NR3C2: variants seen among roughly 807,000 people sequenced by gnomAD.
The protein encoded by NR3C2 is mineralocorticoid receptor.
NR3C2 carries 15 observed loss-of-function variants against 86.4 expected under a neutral mutation model. That is an observed-to-expected ratio of 0.17 (90% CI 0.12 to 0.27). The LOEUF is 0.27. NR3C2 is among the 10% of genes least tolerant of loss of function. The probability of loss-of-function intolerance (pLI) is 1.00; values close to 1 mark genes in which losing one functional copy is unlikely to be tolerated. For synonymous variants in NR3C2, 458 were observed against 450.5 expected (o/e 1.02, Z -0.21); for missense variants, 960 against 1,195.6 (o/e 0.80, Z 2.91).
intron 3 of NR3C2, among the ~76,000 whole-genome samples, chr4:148,235,105 C>T (rs1738680487): frequency 6.6e-6 from 1 of 151,884 alleles, no homozygotes; most frequent in South Asian, 2.1e-4. Flanking sequence ...CTATTTAGGA[C>T]ATTAAAATGT....
intron 3 of NR3C2, among the ~76,000 whole-genome samples, chr4:148,229,339 C>T (rs894158218): frequency 4.6e-5 from 7 of 152,170 alleles, no homozygotes; most frequent in Admixed American, 6.5e-5. Context: ...TCTTTCTTCG[C>T]TGAGAACTTT....
At chr4:148,364,333 G>A (rs778515259) in intron 2 of NR3C2, among the ~76,000 whole-genome samples, 11 of 152,200 alleles carry the variant, frequency 7.2e-5, no homozygotes, top group Non-Finnish European at 1.3e-4. Flanking sequence ...AGGGAGCACT[G>A]AAGTCGTCAG....
At chr4:148,129,681 C>T (rs191340155) in intron 6 of NR3C2, among the ~76,000 whole-genome samples, 13 of 152,252 alleles carry the variant, frequency 8.5e-5, no homozygotes, top group East Asian at 3.9e-4. Flanking sequence ...CTGCAACCTT[C>T]GCCTCCCTGG....
At chr4:148,118,897 A>G (rs1423352971) in intron 7 of NR3C2, among the ~76,000 whole-genome samples, 1 of 152,162 alleles carries the variant, frequency 6.6e-6, no homozygotes, top group Non-Finnish European at 1.5e-5. Flanking sequence ...CAGTCATGGT[A>G]ATACCCCCCA....
chr4:148,433,661 A>G (rs1749903195), intron 2 of NR3C2, among the ~76,000 whole-genome samples: 1 of 152,188 alleles, frequency 6.6e-6, no homozygotes, highest in South Asian at 2.1e-4. Flanking sequence ...ACAATTAAGT[A>G]GCAGAGTTGG....
rs144753289 is a variant in NR3C2, at chr4:148,178,076, G to A, written c.2014+16670C>T. ...TTCAGGGCTGGGCGCAGTGGCTCAC[G>A]CCTGTAATCCTAGCACTTTGAGAGG... is the stretch of plus-strand genomic sequence containing the variant. On this transcript the variant is annotated intron_variant, in intron 4 of 8. Transcript: ENST00000358102. Among the ~76,000 whole-genome samples, 1,275 of 152,326 alleles carry A rather than the reference G, an allele frequency of 8.4e-3. 16 individuals carry two copies. Among genetic ancestry groups the A allele is most frequent in the African/African-American group, 0.028 (1,181 of 41,570 alleles).
chr4:148,214,065 G>A (rs187532760), intron 3 of NR3C2, among the ~76,000 whole-genome samples: 23 of 152,296 alleles, frequency 1.5e-4, no homozygotes, highest in Non-Finnish European at 1.3e-4. Flanking sequence ...CAGAAGACCT[G>A]GGGTTGAAAT....
intron 2 of NR3C2, among the ~76,000 whole-genome samples, chr4:148,359,014 G>A (rs745948676): frequency 4.6e-4 from 70 of 151,914 alleles, no homozygotes; most frequent in Non-Finnish European, 9.0e-4. Flanking sequence ...TTCAAGCATC[G>A]TTCATTCAGA....
intron 2 of NR3C2, among the ~76,000 whole-genome samples, chr4:148,415,648 T>C (rs780874062): frequency 2.6e-5 from 4 of 152,090 alleles, no homozygotes; most frequent in Non-Finnish European, 2.9e-5. Context: ...GCAAGACAAA[T>C]GTATCCATGA....
intron 4 of NR3C2, among the ~76,000 whole-genome samples, chr4:148,186,457 A>G (rs1159068096): frequency 6.6e-6 from 1 of 152,050 alleles, no homozygotes; most frequent in African/African-American, 2.4e-5. Flanking sequence ...CATTTTCTCA[A>G]CTTTTTGCTT....
intron 2 of NR3C2, among the ~76,000 whole-genome samples, chr4:148,338,659 T>C (rs1186406528): frequency 1.3e-5 from 2 of 151,994 alleles, no homozygotes; most frequent in African/African-American, 4.8e-5. Flanking sequence ...AAAGGAGCAA[T>C]AGGGAATGGG....
At chr4:148,186,939 T>G (rs1735923552) in intron 4 of NR3C2, among the ~76,000 whole-genome samples, 1 of 145,826 alleles carries the variant, frequency 6.9e-6, no homozygotes, top group Non-Finnish European at 1.5e-5. Flanking sequence ...CAAATGCTGT[T>G]AATTCATTCC....
intron 3 of NR3C2, among the ~76,000 whole-genome samples, chr4:148,252,728 G>T (rs955365053): frequency 6.6e-6 from 1 of 152,238 alleles, no homozygotes; most frequent in East Asian, 1.9e-4. Context: ...GGCCAGACTC[G>T]ACAAAGGCCT....
chr4:148,240,276 T>A (rs1343955030), intron 3 of NR3C2, among the ~76,000 whole-genome samples: 1 of 148,266 alleles, frequency 6.7e-6, no homozygotes, highest in Admixed American at 6.8e-5. Context: ...ATATATTTTA[T>A]ATATATTGAT....
chr4:148,388,401 A>C (rs1290647527), intron 2 of NR3C2, among the ~76,000 whole-genome samples: 1 of 152,218 alleles, frequency 6.6e-6, no homozygotes, highest in Admixed American at 6.5e-5. Flanking sequence ...TTGGCGCTCA[A>C]AAAGTTTTGG....
intron 2 of NR3C2, among the ~76,000 whole-genome samples, chr4:148,356,476 A>G (rs548869981): frequency 6.6e-6 from 1 of 152,316 alleles, no homozygotes; most frequent in East Asian, 1.9e-4. Context: ...CTGTAGTGCC[A>G]TTCATAAAGG....
At chr4:148,376,023 T>C (rs1425741011) in intron 2 of NR3C2, among the ~76,000 whole-genome samples, 1 of 151,980 alleles carries the variant, frequency 6.6e-6, no homozygotes, top group African/African-American at 2.4e-5. Flanking sequence ...TCAGTTCTCA[T>C]CCCACTTTTC....
intron 2 of NR3C2, among the ~76,000 whole-genome samples, chr4:148,380,635 T>C (rs532482253): frequency 5.9e-5 from 9 of 152,308 alleles, no homozygotes; most frequent in African/African-American, 2.2e-4. Flanking sequence ...ATACTCATCT[T>C]AGTGGGCGCG....
intron 3 of NR3C2, among the ~76,000 whole-genome samples, chr4:148,221,092 A>G (rs1216749175): frequency 6.6e-6 from 1 of 152,164 alleles, no homozygotes; most frequent in Non-Finnish European, 1.5e-5. Flanking sequence ...AACTCTGTAC[A>G]TTATATGGGG....
Sources: gnomAD v4.1 joint callset for allele counts (sites outside exome capture counted in the v4.1 genomes callset) on GRCh38, gnomAD v4.1.1 for gene constraint, MANE v1.5 for transcripts, NCBI Gene and HGNC (gene_info 2026-07-23, HGNC 2026-07-21) for gene names.